HEATR4: variants seen among roughly 807,000 people sequenced by gnomAD.
The protein encoded by HEATR4 is HEAT repeat-containing protein 4.
In HEATR4, 95 loss-of-function variants were observed where a neutral mutation model predicts 108.8. The ratio of observed to expected loss-of-function variants is 0.87; its 90% confidence interval spans 0.74 to 1.04. HEATR4 has a LOEUF of 1.04. Among genes scored for constraint, HEATR4 ranks in the 50% least tolerant of loss-of-function variants. HEATR4 has a pLI of 0.00. For synonymous variants in HEATR4, 443 were observed against 459.4 expected (o/e 0.96, Z 0.46); for missense variants, 1,152 against 1,253.8 (o/e 0.92, Z 1.23).
In HEATR4 at chr14:73,503,141, C is replaced by A; in HGVS notation, c.1987-128G>T. ...ATGAGGATTGTCCTGAGTGTTTTTT[C>A]CCATCGCTTACTCTCCCAAAGAATC... is the stretch of plus-strand genomic sequence containing the variant. On this transcript the variant is annotated intron_variant, in intron 10 of 17. Coordinates refer to ENST00000553558, the MANE Select transcript of HEATR4 (RefSeq NM_001220484.1). The A allele has an allele frequency of 5.5e-6, 4 of 729,198 alleles. No individual in the cohort carries two copies. The South Asian group carries it at 6.6e-5, about 12-fold the overall frequency. The allele number at this position is 729,198 out of a possible 1,614,324, so 45.2% of individuals were successfully genotyped here.
chr14:73,491,002 C>G (rs752965454), intron 17 of HEATR4: 1 of 1,385,908 alleles, frequency 7.2e-7, no homozygotes, highest in Non-Finnish European at 9.4e-7. Context: ...GCGGGGAAGA[C>G]TGGTGTGGTC....
chr14:73,609,369 T>C, the HEATR4 span, among the ~76,000 whole-genome samples: 2 of 152,158 alleles, frequency 1.3e-5, no homozygotes, highest in African/African-American at 4.8e-5. Context: ...TTGGGCATGC[T>C]GGGGGTGCTC....
rs770546208 is a variant in HEATR4, at chr14:73,508,257, C to T, written c.1758G>A (p.Leu586=). Residue 586 remains leucine, a synonymous_variant, in exon 9 of 18, where the codon TTG becomes TTA. Transcript: ENST00000553558. ...SVDSWAAAQC[L]ALEGTATYPV... Reference sequence around the variant, plus strand: ...GGTAAGTAGCAGTACCTTCCAGAGCCAAGCACTGAGCTGCAGCCCAGCTAT... The same window carrying T: ...GGTAAGTAGCAGTACCTTCCAGAGCTAAGCACTGAGCTGCAGCCCAGCTAT... 1 of 1,613,990 alleles carries T rather than the reference C, an allele frequency of 6.2e-7. No homozygotes were observed. The highest frequency in any genetic ancestry group is 1.1e-5 in the South Asian group (1 of 91,066).
At chr14:73,481,844 CA>C (rs530698682) in intron 17 of HEATR4, among the ~76,000 whole-genome samples, 4 of 147,416 alleles carry the variant, frequency 2.7e-5, no homozygotes, top group African/African-American at 5.0e-5. Flanking sequence ...GACTCCATCT[CA>C]AAAAAAAATA....
chr14:73,633,374 G>A, the HEATR4 span, among the ~76,000 whole-genome samples: 1 of 152,076 alleles, frequency 6.6e-6, no homozygotes, highest in Non-Finnish European at 1.5e-5. Context: ...CTATGTCCCC[G>A]CTGGGCTCGT....
the HEATR4 span, among the ~76,000 whole-genome samples, chr14:73,572,358 C>G: frequency 0.19 from 29,318 of 151,330 alleles, 3,570 homozygotes; most frequent in East Asian, 0.54. Flanking sequence ...AAAAAAGAAT[C>G]AACATGGATG....
At chr14:73,593,764 C>T in the HEATR4 span, 1 of 1,613,896 alleles carries the variant, frequency 6.2e-7, no homozygotes, top group South Asian at 1.1e-5. Flanking sequence ...CTTGGAATAT[C>T]GAGCCAGCCT....
the HEATR4 span, among the ~76,000 whole-genome samples, chr14:73,586,095 T>C: frequency 2.0e-5 from 3 of 152,002 alleles, no homozygotes; most frequent in Non-Finnish European, 2.9e-5. Flanking sequence ...TTTTTATTTT[T>C]ACTTAAAAAT....
chr14:73,489,071 G>C (rs993891018), intron 17 of HEATR4, among the ~76,000 whole-genome samples: 6 of 152,034 alleles, frequency 3.9e-5, no homozygotes, highest in African/African-American at 1.4e-4. Context: ...AGACTAGTTG[G>C]GAGGCTATTT....
intron 8 of HEATR4, 149 bp downstream of exon 8, chr14:73,509,162 TG>T: frequency 1.3e-6 from 1 of 759,144 alleles, no homozygotes; most frequent in Non-Finnish European, 2.1e-6. Flanking sequence ...CGACAGTGTC[TG>T]GTCCTAATTT....
At chr14:73,500,057 A>G (rs180886916) in intron 12 of HEATR4, among the ~76,000 whole-genome samples, 1,714 of 152,248 alleles carry the variant, frequency 0.011, 38 homozygotes, top group African/African-American at 0.039. Context: ...GTGAAACCCC[A>G]TCTTTACTAA....
chr14:73,492,895 G>C lies in HEATR4; in HGVS notation c.2844+171C>G. 1 of 1,613,702 alleles carries C rather than the reference G, an allele frequency of 6.2e-7. No homozygotes were observed. The highest frequency in any genetic ancestry group is 8.5e-7 in the Non-Finnish European group (1 of 1,179,824). On this transcript the variant is annotated intron_variant, in intron 17 of 17. Transcript: ENST00000553558. This position sits in a 1 kb window ranked among gnomAD's most constrained non-coding sequence, Gnocchi z 4.9. ...ACCAGCTGTCCTTGGCAACCACGTTGTATGATAAGGGGCTGCTGCTCACTA... is the reference window on the plus strand; with the variant it reads ...ACCAGCTGTCCTTGGCAACCACGTTCTATGATAAGGGGCTGCTGCTCACTA...
the HEATR4 span, among the ~76,000 whole-genome samples, chr14:73,572,100 T>C: frequency 9.0e-5 from 13 of 144,250 alleles, no homozygotes; most frequent in East Asian, 1.8e-3. Flanking sequence ...GGGCAACAAT[T>C]TGTCTTAACT....
At chr14:73,491,463 T>C in intron 17 of HEATR4, 1 of 1,476,872 alleles carries the variant, frequency 6.8e-7, no homozygotes, top group East Asian at 2.5e-5. Flanking sequence ...TCGGCCCTGC[T>C]GTGCACCGCG....
chr14:73,565,388 CTT>C, the HEATR4 span, among the ~76,000 whole-genome samples: 12 of 139,744 alleles, frequency 8.6e-5, no homozygotes, highest in African/African-American at 2.1e-4. Flanking sequence ...TTTTCTTTTC[CTT>C]TTTTTTTTTT....
chr14:73,513,989 T>C, intron 6 of HEATR4, 42 bp downstream of exon 6: 2 of 1,589,294 alleles, frequency 1.3e-6, no homozygotes, highest in South Asian at 2.2e-5. Context: ...TGAGAACCAC[T>C]TCTCACAAAC....
chr14:73,478,662 T>A lies in HEATR4; in HGVS notation c.3025A>T (p.Thr1009Ser). ...ALYLGKFSER[T>S]FFSPIMSSPS... ...GAAGACATGATGGGAGAAAAAAATGTTCTCTCTGAGAATTTACCCAGATAA... is the reference window on the plus strand; with the variant it reads ...GAAGACATGATGGGAGAAAAAAATGATCTCTCTGAGAATTTACCCAGATAA... Residue 1009 changes from threonine (T) to serine (S), a missense_variant, in exon 18 of 18, where the codon ACA (threonine) becomes TCA (serine). Physicochemically the swap from Thr to Ser is moderately conservative, Grantham distance 58. Transcript: ENST00000553558. 6.2e-7 allele frequency: 1 copy of A among 1,614,002 alleles called. No individual in the cohort carries two copies.
chr14:73,580,812 C>T, the HEATR4 span: 56,994 of 151,470 alleles, frequency 0.38, 12,126 homozygotes, highest in East Asian at 0.84. Context: ...AAAGAAAGGG[C>T]GTGGAGGTTC....
the HEATR4 span, among the ~76,000 whole-genome samples, chr14:73,625,891 C>G: frequency 6.6e-6 from 1 of 152,174 alleles, no homozygotes; most frequent in African/African-American, 2.4e-5. Flanking sequence ...ACAATGGCCT[C>G]TAAGTGTTCA....
Sources: gnomAD v4.1 joint callset for allele counts (sites outside exome capture counted in the v4.1 genomes callset) on GRCh38, gnomAD v4.1.1 for gene constraint, Gnocchi (gnomAD v3.1) non-coding constraint, MANE v1.5 for transcripts, NCBI Gene and HGNC (gene_info 2026-07-23, HGNC 2026-07-21) for gene names.